CFH: variants seen among roughly 807,000 people sequenced by gnomAD.
CFH encodes the protein complement factor H.
In CFH, 53 loss-of-function variants were observed where a neutral mutation model predicts 147.3. That is an observed-to-expected ratio of 0.36 (90% CI 0.29 to 0.45). CFH has a LOEUF of 0.45. Ranked by LOEUF, CFH falls within the 20% of genes least tolerant of loss-of-function variation. The pLI, the probability that CFH is intolerant of heterozygous loss-of-function variation, is 1.00. For synonymous variants in CFH, 536 were observed against 489.4 expected (o/e 1.10, Z -1.26); for missense variants, 1,380 against 1,498.0 (o/e 0.92, Z 1.30).
intron 6 of CFH, among the ~76,000 whole-genome samples, chr1:196,682,930 T>C (rs1375588836): frequency 2.6e-5 from 4 of 151,494 alleles, no homozygotes; most frequent in Non-Finnish European, 4.4e-5. Flanking sequence ...ACAGTGGAAG[T>C]ATGGTATTGA....
chr1:196,725,014 C>T (rs1335077416), intron 11 of CFH, 107 bp from the exon 12 acceptor site: 1 of 836,914 alleles, frequency 1.2e-6, no homozygotes, highest in South Asian at 1.6e-5. Flanking sequence ...TATCTGATGC[C>T]CCTCTGTATG....
At chr1:196,689,719 C>A in intron 8 of CFH, 105 bp downstream of exon 8, 2 of 1,274,996 alleles carry the variant, frequency 1.6e-6, no homozygotes, top group Non-Finnish European at 1.1e-6. Context: ...AGAAATAGGG[C>A]CAAGAAAAGA....
chr1:196,715,668 T>C lies in CFH; in HGVS notation c.1595T>C (p.Leu532Ser), dbSNP rs201193547. 1 of 1,612,778 alleles carries C rather than the reference T, an allele frequency of 6.2e-7. No homozygotes were observed. The highest frequency in any genetic ancestry group is 8.5e-7 in the Non-Finnish European group (1 of 1,179,116). ...DFTWFKLNDT[L>S]DYECHDGYES... ...ACATGGTTTAAGCTGAATGACACAT[T>C]GGACTATGAATGCCATGATGGTTAT... Residue 532 changes from leucine to serine, a missense_variant, in exon 11 of 22, where the codon TTG becomes TCG. Physicochemically the swap from Leu to Ser is moderately radical, Grantham distance 145. This residue lies in a region of CFH where 830 missense variants were observed against 821.4 expected (regional missense o/e 1.01). Coordinates refer to ENST00000367429, the MANE Select transcript of CFH (RefSeq NM_000186.4).
intron 9 of CFH, among the ~76,000 whole-genome samples, chr1:196,713,256 A>T (rs1668766370): frequency 6.6e-6 from 1 of 152,178 alleles, no homozygotes; most frequent in African/African-American, 2.4e-5. Context: ...TTTGAAGCAC[A>T]CAATAAGAAT....
intron 9 of CFH, among the ~76,000 whole-genome samples, chr1:196,706,554 G>C (rs1668594366): frequency 6.6e-6 from 1 of 152,150 alleles, no homozygotes; most frequent in Non-Finnish European, 1.5e-5. Flanking sequence ...GAATTCGATT[G>C]AGACTTTGAC....
At chr1:196,673,985 G>A (rs1667373290) in intron 3 of CFH, 23 bp downstream of exon 3, 2 of 1,480,870 alleles carry the variant, frequency 1.4e-6, no homozygotes, top group Admixed American at 1.7e-5. Context: ...TACGAAAAGA[G>A]GTTTATAATT....
chr1:196,658,867 G>A (rs934287916), intron 1 of CFH, among the ~76,000 whole-genome samples: 2 of 152,238 alleles, frequency 1.3e-5, no homozygotes, highest in East Asian at 3.9e-4. Flanking sequence ...ACTGCATCCA[G>A]ACTAAAACTA....
At position 196,728,456 on chromosome 1, in the gene CFH, G is replaced by C. The variant is rs1669201628; in HGVS notation, c.2347G>C (p.Gly783Arg). The change falls in exon 15 of 22, where the codon GGA becomes CGA. Residue 783 changes from glycine to arginine, a missense_variant. Transcript: ENST00000367429. ...HNSNIRYRCR[G>R]KEGWIHTVCI... ...TTCTAACATAAGGTACAGATGTAGA[G>C]GAAAAGAAGGATGGATACACACAGT... 1.2e-6 allele frequency: 2 copies of C among 1,612,692 alleles called. No homozygotes were observed.
chr1:196,721,772 T>C lies in CFH; in HGVS notation c.1697-3349T>C, dbSNP rs560607193. 3.3e-5 allele frequency among the ~76,000 whole-genome samples: 5 copies of C among 151,974 alleles called. No homozygotes were observed. The East Asian group carries it at 9.7e-4, about 29-fold the overall frequency. On this transcript the variant is annotated intron_variant, in intron 11 of 21. Transcript: ENST00000367429. Reference sequence around the variant, plus strand: ...AGTGCATATATATTTAGAATTGTTATATCTTCTTGCTTCCTTTATCATTGT... The same window carrying C: ...AGTGCATATATATTTAGAATTGTTACATCTTCTTGCTTCCTTTATCATTGT...
In CFH at chr1:196,694,659, G is replaced by A. The variant is rs775441953; in HGVS notation, c.1336+4420G>A. Reference sequence around the variant, plus strand: ...TTCCTATTTCTCCGCATCCTCGCCAGCACCTGTGGTTTCCAGATGTTTTAA... The same window carrying A: ...TTCCTATTTCTCCGCATCCTCGCCAACACCTGTGGTTTCCAGATGTTTTAA... On this transcript the variant is annotated intron_variant, in intron 9 of 21. Transcript: ENST00000367429. Among the ~76,000 whole-genome samples, 64 of 152,314 alleles carry A rather than the reference G, an allele frequency of 4.2e-4. 1 individual carries two copies. Among genetic ancestry groups the A allele is most frequent in the Non-Finnish European group, 8.7e-4 (59 of 68,028 alleles).
At chr1:196,654,484 T>C (rs781781229) in intron 1 of CFH, among the ~76,000 whole-genome samples, 46 of 152,148 alleles carry the variant, frequency 3.0e-4, no homozygotes, top group Non-Finnish European at 6.0e-4. Flanking sequence ...TACTAAGAAT[T>C]GGGTCAGATT....
intron 1 of CFH, among the ~76,000 whole-genome samples, chr1:196,672,684 G>T (rs956822780): frequency 1.3e-5 from 2 of 152,170 alleles, no homozygotes; most frequent in Non-Finnish European, 2.9e-5. Flanking sequence ...GCAATTAAGA[G>T]TAATATAACA....
intron 11 of CFH, among the ~76,000 whole-genome samples, chr1:196,721,986 T>C (rs1318414852): frequency 6.6e-6 from 1 of 152,076 alleles, no homozygotes; most frequent in Non-Finnish European, 1.5e-5. Flanking sequence ...GTTTCTGTTT[T>C]CCAAATTTGG....
chr1:196,689,703 T>C (rs1361177439), intron 8 of CFH, 89 bp downstream of exon 8: 7 of 1,409,576 alleles, frequency 5.0e-6, no homozygotes, highest in Non-Finnish European at 7.0e-6. Flanking sequence ...ACCTGTCTTA[T>C]GTAACAGAAA....
rs901987161 is a variant in CFH at position 196,718,216 on chromosome 1, T to C, written c.1696+2447T>C. Among the ~76,000 whole-genome samples, 12 of 152,072 alleles carry C rather than the reference T, an allele frequency of 7.9e-5. No individual in the cohort carries two copies. The South Asian group carries it at 2.5e-3, about 32-fold the overall frequency. On this transcript the variant is annotated intron_variant, in intron 11 of 21. Coordinates refer to ENST00000367429, the MANE Select transcript of CFH (RefSeq NM_000186.4). ...GAGATTTTATTCTAATATAAGACAG[T>C]GGAAAACTAAAAAGAGATAAGCCAA... is the stretch of plus-strand genomic sequence containing the variant.
chr1:196,746,174 G>T (rs970964072), intron 21 of CFH, among the ~76,000 whole-genome samples, 175 bp downstream of exon 21: 2 of 152,116 alleles, frequency 1.3e-5, no homozygotes, highest in Admixed American at 1.3e-4. Context: ...GGCTGGGTGC[G>T]GTGGCTCACA....
Position 196,740,754 on chromosome 1 carries a change from G to GCTCA in CFH, c.2920_2921insCACT (p.Leu974SerfsTer22). On this transcript the variant is annotated frameshift_variant, in exon 18 of 22. Coordinates refer to ENST00000367429, the MANE Select transcript of CFH (RefSeq NM_000186.4). LOFTEE classifies it high-confidence loss of function. ...ATTGATGGGCCTGCAATTGCAAAAT[G>GCTCA]CTTAGGAGAAAAATGGTCTCACCCT... 1 of 1,614,004 alleles carries GCTCA rather than the reference G, an allele frequency of 6.2e-7. No individual in the cohort carries two copies. Among genetic ancestry groups the GCTCA allele is most frequent in the Non-Finnish European group, 8.5e-7 (1 of 1,179,962 alleles).
chr1:196,744,134 A>G (rs2149117033), intron 20 of CFH, among the ~76,000 whole-genome samples: 1 of 152,198 alleles, frequency 6.6e-6, no homozygotes, highest in South Asian at 2.1e-4. Context: ...AGGAAATTGT[A>G]TCTTACTCAC....
chr1:196,736,102 A>AT (rs1273573750), intron 15 of CFH, among the ~76,000 whole-genome samples: 2 of 152,088 alleles, frequency 1.3e-5, no homozygotes, highest in Non-Finnish European at 2.9e-5. Context: ...TTTCTGATGT[A>AT]TCGCAGTTTA....
Sources: gnomAD v4.1 joint callset for allele counts (sites outside exome capture counted in the v4.1 genomes callset) on GRCh38, gnomAD v4.1.1 for gene constraint, gnomAD v4.1.1 regional missense constraint, MANE v1.5 for transcripts, NCBI Gene and HGNC (gene_info 2026-07-23, HGNC 2026-07-21) for gene names.